The following SUCLG2 variants were observed in gnomAD, a reference collection of about 807,000 sequenced individuals.
SUCLG2 encodes succinate-CoA ligase GDP-forming subunit beta.
SUCLG2 carries 42 observed loss-of-function variants against 47.9 expected under a neutral mutation model. The ratio of observed to expected loss-of-function variants is 0.88; its 90% CI spans 0.69 to 1.14. The LOEUF (loss-of-function observed/expected upper bound fraction) is 1.14. SUCLG2 is among the 50% of genes most tolerant of loss of function. SUCLG2 has a pLI of 0.00. For missense variants in SUCLG2, 571 were observed against 525.9 expected (o/e 1.09, Z -0.84); for synonymous variants, 195 against 197.3 (o/e 0.99, Z 0.10).
At chr3:67,504,175 T>A (rs551581039) in intron 7 of SUCLG2, among the ~76,000 whole-genome samples, 1 of 152,046 alleles carries the variant, frequency 6.6e-6, no homozygotes, top group Non-Finnish European at 1.5e-5. Context: ...CCATTAAATA[T>A]TGATGTTCTG....
intron 9 of SUCLG2, 114 bp downstream of exon 9, chr3:67,495,684 G>A (rs1250312835): frequency 8.3e-7 from 1 of 1,198,748 alleles, no homozygotes; most frequent in African/African-American, 1.5e-5. Context: ...AGTTGCATCT[G>A]GGGCTGCAGA....
chr3:67,409,258 T>C (rs936341150), intron 9 of SUCLG2, among the ~76,000 whole-genome samples: 1 of 152,138 alleles, frequency 6.6e-6, no homozygotes, highest in Non-Finnish European at 1.5e-5. Context: ...GAAACAGATG[T>C]TCCTAACAAG....
intron 2 of SUCLG2, among the ~76,000 whole-genome samples, chr3:67,539,937 G>C (rs1382439935): frequency 6.6e-6 from 1 of 151,714 alleles, no homozygotes; most frequent in Non-Finnish European, 1.5e-5. Flanking sequence ...GTGTCTATTT[G>C]ATTCTTCTCT....
chr3:67,558,843 T>A (rs1707230425), intron 2 of SUCLG2, among the ~76,000 whole-genome samples: 1 of 152,184 alleles, frequency 6.6e-6, no homozygotes, highest in African/African-American at 2.4e-5. Flanking sequence ...TCAATGATCC[T>A]TTTACCCTTA....
At chr3:67,604,881 A>T (rs1029372505) in intron 2 of SUCLG2, among the ~76,000 whole-genome samples, 3 of 152,252 alleles carry the variant, frequency 2.0e-5, no homozygotes, top group African/African-American at 7.2e-5. Flanking sequence ...AAACACATCA[A>T]AATATGAATA....
At chr3:67,580,817 C>T (rs1029618457) in intron 2 of SUCLG2, among the ~76,000 whole-genome samples, 1 of 152,158 alleles carries the variant, frequency 6.6e-6, no homozygotes. Context: ...TCCTATTGCA[C>T]TTGGAAATGT....
chr3:67,646,414 G>A (rs895564268), intron 1 of SUCLG2, among the ~76,000 whole-genome samples: 12 of 152,256 alleles, frequency 7.9e-5, no homozygotes, highest in Middle Eastern at 3.4e-3. Flanking sequence ...GGCCAACATG[G>A]TGAAACTCCA....
At chr3:67,422,472 T>TAAAAAAAAAAAAAAAAAAAAAAAA (rs1559520249) in intron 9 of SUCLG2, among the ~76,000 whole-genome samples, 4 of 12,342 alleles carry the variant, frequency 3.2e-4, no homozygotes, top group African/African-American at 1.5e-3. Context: ...AGACTCCATC[T>TAAAAAAAAAAAAAAAAAAAAAAAA]CAAAAAAAAA....
At chr3:67,650,446 TACA>T (rs1412286261) in intron 1 of SUCLG2, among the ~76,000 whole-genome samples, 4 of 152,254 alleles carry the variant, frequency 2.6e-5, no homozygotes, top group African/African-American at 7.2e-5. Context: ...ACAGAAAACA[TACA>T]ACAAGGATTC....
At chr3:67,387,600 A>G (rs924486495) in intron 10 of SUCLG2, among the ~76,000 whole-genome samples, 1 of 152,204 alleles carries the variant, frequency 6.6e-6, no homozygotes, top group Non-Finnish European at 1.5e-5. Flanking sequence ...AAAGGAGTGC[A>G]TCTTTTATTT....
rs746196486 is a variant in SUCLG2, at chr3:67,400,832, T to C, written c.1082A>G (p.Asn361Ser). The change falls in exon 10 of 11, where the codon AAT (asparagine) becomes AGT (serine). Residue 361 changes from asparagine to serine, a missense_variant. By Grantham distance (46) the Asn-to-Ser change is conservative. Transcript: ENST00000307227. ...ADPKVEAILV[N>S]IFGGIVNCAI... ...ACAGTTGACGATACCACCAAATATATTGACAAGGATGGCTTCAACCTGAAA... is the reference window on the plus strand; with the variant it reads ...ACAGTTGACGATACCACCAAATATACTGACAAGGATGGCTTCAACCTGAAA... 103 of 1,612,792 alleles carry C rather than the reference T, an allele frequency of 6.4e-5. No homozygotes were observed. The highest frequency in any genetic ancestry group is 8.2e-5 in the Non-Finnish European group (97 of 1,179,828).
At chr3:67,654,343 C>A (rs1012552272) in intron 1 of SUCLG2, among the ~76,000 whole-genome samples, 160 bp downstream of exon 1, 1 of 152,280 alleles carries the variant, frequency 6.6e-6, no homozygotes, top group East Asian at 1.9e-4. Context: ...GAGCGGGGTT[C>A]CCTGCTGCGC....
intron 4 of SUCLG2, among the ~76,000 whole-genome samples, chr3:67,522,661 CTTT>C (rs201002662): frequency 6.7e-5 from 9 of 134,462 alleles, no homozygotes; most frequent in African/African-American, 8.1e-5. Context: ...GCTTTTCTTT[CTTT>C]TTTTTTTTTT....
chr3:67,570,226 C>T (rs990480532), intron 2 of SUCLG2, among the ~76,000 whole-genome samples: 4 of 152,202 alleles, frequency 2.6e-5, no homozygotes, highest in Admixed American at 1.3e-4. Flanking sequence ...AAATAAACTT[C>T]TGTTATTTAA....
chr3:67,459,097 G>C (rs1704261234), intron 9 of SUCLG2, among the ~76,000 whole-genome samples: 1 of 152,050 alleles, frequency 6.6e-6, no homozygotes, highest in African/African-American at 2.4e-5. Flanking sequence ...ACCTGCCTCT[G>C]ATCTTGGTGA....
intron 10 of SUCLG2, among the ~76,000 whole-genome samples, chr3:67,393,399 C>T (rs1180693053): frequency 2.0e-5 from 3 of 152,230 alleles, no homozygotes; most frequent in Non-Finnish European, 4.4e-5. Flanking sequence ...GGTCCTACGC[C>T]CACGGAGTCT....
chr3:67,394,169 G>A (rs1253468137), intron 10 of SUCLG2, among the ~76,000 whole-genome samples: 7 of 152,196 alleles, frequency 4.6e-5, no homozygotes, highest in Non-Finnish European at 1.0e-4. Flanking sequence ...AAAGCTGGAC[G>A]GAGAATGACT....
At chr3:67,553,122 C>T (rs1707062226) in intron 2 of SUCLG2, among the ~76,000 whole-genome samples, 1 of 152,178 alleles carries the variant, frequency 6.6e-6, no homozygotes. Context: ...TATCTTGCTG[C>T]CCAGGGCATC....
At chr3:67,623,667 C>T (rs1475407926) in intron 1 of SUCLG2, among the ~76,000 whole-genome samples, 1 of 152,174 alleles carries the variant, frequency 6.6e-6, no homozygotes, top group Non-Finnish European at 1.5e-5. Flanking sequence ...CTTTACAATA[C>T]TCAGAGAAGG....
Sources: allele counts gnomAD v4.1 joint callset (sites outside exome capture counted in the v4.1 genomes callset), GRCh38; gene constraint gnomAD v4.1.1; transcripts MANE v1.5; gene names NCBI Gene and HGNC (gene_info 2026-07-23, HGNC 2026-07-21).